Variants in FN1 observed in about 807,000 individuals in gnomAD.
FN1 encodes the protein fibronectin 1.
A neutral mutation model predicts 297.3 loss-of-function variants in FN1; 106 were observed. That is an observed-to-expected ratio of 0.36 (90% CI 0.30 to 0.42). The LOEUF is 0.42. FN1 is among the 10% of genes least tolerant of loss of function. The pLI, the probability that FN1 is intolerant of heterozygous loss-of-function variation, is 1.00. For missense variants in FN1, 2,690 were observed against 3,124.9 expected (o/e 0.86, Z 3.32); for synonymous variants, 1,149 against 1,152.6 (o/e 1.00, Z 0.06).
At chr2:215,398,136 C>T (rs1215651068) in intron 21 of FN1, among the ~76,000 whole-genome samples, 1 of 152,170 alleles carries the variant, frequency 6.6e-6, no homozygotes, top group Admixed American at 6.5e-5. Flanking sequence ...ACAAACCAGA[C>T]GTATACAGGG....
chr2:215,395,341 C>A (rs2060187293), intron 23 of FN1, among the ~76,000 whole-genome samples: 1 of 151,982 alleles, frequency 6.6e-6, no homozygotes, highest in Non-Finnish European at 1.5e-5. Flanking sequence ...AGTTCGAGAC[C>A]AGCCTGGCCA....
intron 29 of FN1, chr2:215,384,531 A>G (rs1404092835): frequency 2.6e-5 from 10 of 385,558 alleles, no homozygotes; most frequent in Non-Finnish European, 4.7e-5. Flanking sequence ...TTCCTTTTAA[A>G]TAAAATTTGG....
In FN1 at chr2:215,371,528, A is replaced by G. The variant is rs576888081; in HGVS notation, c.6714+381T>C. On this transcript the variant is annotated intron_variant, in intron 40 of 45. Transcript: ENST00000354785. ...AAGGAACCTCAAATGTGTGAGAATA[A>G]GAGAAATAGTTTCATTTTCTCTATG... Among the ~76,000 whole-genome samples, 10 of 152,074 alleles carry G rather than the reference A, an allele frequency of 6.6e-5. No homozygotes were observed. The East Asian group carries it at 1.7e-3, about 26-fold the overall frequency.
At chr2:215,426,718 C>T (rs933673595) in intron 6 of FN1, among the ~76,000 whole-genome samples, 2 of 152,156 alleles carry the variant, frequency 1.3e-5, no homozygotes, top group African/African-American at 4.8e-5. Flanking sequence ...TTTTGTTTAA[C>T]CCATTGCTTC....
rs774400320 is a variant in FN1 at position 215,361,950 on chromosome 2, G to C, written c.7362+19C>G. 1 of 1,602,308 alleles carries C rather than the reference G, an allele frequency of 6.2e-7. No homozygotes were observed. The highest frequency in any genetic ancestry group is 1.7e-5 in the Admixed American group (1 of 59,660). ...CTGTCTAGTATGAGGGAACACACTT[G>C]TGCTGCTAATGCACTTACAGTGTTT... On this transcript the variant is annotated intron_variant, in intron 45 of 45. Transcript: ENST00000354785.
chr2:215,410,193 T>C, intron 13 of FN1, 79 bp from the exon 14 acceptor site: 1 of 1,442,792 alleles, frequency 6.9e-7, no homozygotes, highest in East Asian at 2.5e-5. Flanking sequence ...TGTTCAGTAA[T>C]CTTCAAAGAA....
At chr2:215,423,051 C>G (rs1042659128) in intron 9 of FN1, among the ~76,000 whole-genome samples, 2 of 152,136 alleles carry the variant, frequency 1.3e-5, no homozygotes, top group Non-Finnish European at 2.9e-5. Flanking sequence ...CAAACCTGTG[C>G]AAATTCATAT....
At chr2:215,401,333 AAGGG>A (rs2061140415) in intron 20 of FN1, among the ~76,000 whole-genome samples, 1 of 151,790 alleles carries the variant, frequency 6.6e-6, no homozygotes, top group Non-Finnish European at 1.5e-5. Context: ...GAAAGAAAGA[AAGGG>A]AAAGGAAAGG....
intron 4 of FN1, 31 bp from the exon 5 acceptor site, chr2:215,430,883 A>T (rs191011794): frequency 1.2e-6 from 2 of 1,612,624 alleles, no homozygotes; most frequent in Admixed American, 3.3e-5. Flanking sequence ...AAAACAGGAA[A>T]AAAAGGTTAT....
Position 215,368,044 on chromosome 2 carries a change from G to T in FN1, c.6854-17C>A. The T allele has an allele frequency of 6.2e-7, 1 of 1,613,318 alleles. No individual in the cohort carries two copies. The highest frequency in any genetic ancestry group is 8.5e-7 in the Non-Finnish European group (1 of 1,179,600). On this transcript the variant is annotated splice_polypyrimidine_tract_variant and intron_variant, in intron 41 of 45. Coordinates refer to ENST00000354785, the MANE Select transcript of FN1 (RefSeq NM_212482.4). ...CTTCGTTGACTATGAAGAAAAGGAAGAAAAAGCAAAAAGAGACATCTTATT... is the reference window on the plus strand; with the variant it reads ...CTTCGTTGACTATGAAGAAAAGGAATAAAAAGCAAAAAGAGACATCTTATT...
chr2:215,389,843 C>T (rs566126109), intron 26 of FN1, among the ~76,000 whole-genome samples: 20 of 152,262 alleles, frequency 1.3e-4, no homozygotes, highest in African/African-American at 4.3e-4. Flanking sequence ...GAGCCTTTGA[C>T]ACACCTAAGC....
At chr2:215,388,480 AGAT>A (rs1156568835) in intron 26 of FN1, among the ~76,000 whole-genome samples, 179 bp from the exon 27 acceptor site, 1 of 152,242 alleles carries the variant, frequency 6.6e-6, no homozygotes. Context: ...GTCTGTAATT[AGAT>A]GATAAGGAAG....
intron 17 of FN1, 128 bp downstream of exon 17, chr2:215,407,980 A>C: frequency 1.6e-6 from 1 of 644,702 alleles, no homozygotes; most frequent in Non-Finnish European, 2.7e-6. Context: ...ACACACACAC[A>C]AACCCCTCTC....
At chr2:215,376,363 T>C (rs2057292887) in intron 36 of FN1, 135 bp downstream of exon 36, 1 of 800,586 alleles carries the variant, frequency 1.2e-6, no homozygotes, top group Non-Finnish European at 2.1e-6. Flanking sequence ...AGCATGAAAA[T>C]AACGTTCTAA....
intron 19 of FN1, among the ~76,000 whole-genome samples, chr2:215,405,551 T>C (rs974109965): frequency 6.6e-6 from 1 of 152,200 alleles, no homozygotes; most frequent in East Asian, 1.9e-4. Flanking sequence ...TCAGACCAGC[T>C]TGGCCAACAC....
At position 215,384,032 on chromosome 2, in the gene FN1, T is replaced by G. The variant is rs761415278; in HGVS notation, c.4882A>C (p.Asn1628His). 5 of 1,614,050 alleles carry G rather than the reference T, an allele frequency of 3.1e-6. No individual in the cohort carries two copies. In the East Asian group the frequency reaches 1.1e-4, roughly 36 times the overall value. The change falls in exon 30 of 46, where the codon AAT becomes CAT. Residue 1628 changes from asparagine to histidine, a missense_variant. Transcript: ENST00000354785. Reference protein sequence around the residue: ...SPASSKPISINYRTEIDKPSQ... With the variant: ...SPASSKPISIHYRTEIDKPSQ... ...TAGAAGTTTGTACCTGTTCGGTAAT[T>G]AATGGAAATTGGCTTGCTGCTTGCG...
At chr2:215,391,990 A>G (rs2059762440) in intron 25 of FN1, 176 bp from the exon 26 acceptor site, 1 of 630,288 alleles carries the variant, frequency 1.6e-6, no homozygotes, top group African/African-American at 1.8e-5. Context: ...AAAATAAAAC[A>G]CTACACACAG....
At position 215,430,868 on chromosome 2, in the gene FN1, G is replaced by T. The variant is rs761022057; in HGVS notation, c.548-16C>A. On this transcript the variant is annotated splice_polypyrimidine_tract_variant and intron_variant, in intron 4 of 45. Transcript: ENST00000354785. ...CACTTCTCAGCTGTAGGGAAATTTG[G>T]AAGAAAAACAGGAAAAAAAGGTTAT... 2.5e-6 allele frequency: 4 copies of T among 1,613,674 alleles called. No individual in the cohort carries two copies. The highest frequency in any genetic ancestry group is 3.4e-6 in the Non-Finnish European group (4 of 1,179,700).
Position 215,362,085 on chromosome 2 carries a change from A to G in FN1, c.7252-6T>C, listed in dbSNP as rs2053574244. The G allele has an allele frequency of 6.2e-7, 1 of 1,609,720 alleles. No homozygotes were observed. The highest frequency in any genetic ancestry group is 1.3e-5 in the African/African-American group (1 of 74,856). On this transcript the variant is annotated splice_polypyrimidine_tract_variant and splice_region_variant and intron_variant, in intron 44 of 45. Coordinates refer to ENST00000354785, the MANE Select transcript of FN1 (RefSeq NM_212482.4). The stretch of plus-strand genomic sequence containing the variant: ...CAGTTGTCACAGCGCCAGCCCTGAG[A>G]GAGTAGAGGCATGAAGTCAAATGGG...
Sources: gnomAD v4.1 joint callset for allele counts (sites outside exome capture counted in the v4.1 genomes callset) on GRCh38, gnomAD v4.1.1 for gene constraint, MANE v1.5 for transcripts, NCBI Gene and HGNC (gene_info 2026-07-23, HGNC 2026-07-21) for gene names.